The following TIPRL variants were observed in gnomAD, a reference collection of about 807,000 sequenced individuals.
TIPRL encodes the protein TIP41-like protein.
In TIPRL, 10 loss-of-function variants were observed where a neutral mutation model predicts 32.3. That is an observed-to-expected ratio of 0.31 (90% CI 0.19 to 0.52). The LOEUF (loss-of-function observed/expected upper bound fraction) is 0.52, where lower values mean the gene tolerates loss of function less well. TIPRL is among the 20% of genes least tolerant of loss of function. TIPRL has a pLI of 0.96. For synonymous variants in TIPRL, 100 were observed against 114.0 expected, an observed-to-expected ratio of 0.88 and a Z score of 0.78; for missense variants, 250 against 328.1, an observed-to-expected ratio of 0.76 and a Z score of 1.84.
rs1700209118 is a variant in TIPRL at position 168,201,720 on chromosome 1, A to C, written c.*1674A>C. On this transcript the variant is annotated 3_prime_UTR_variant, in exon 7 of 7. Transcript: ENST00000367833. The stretch of plus-strand genomic sequence containing the variant: ...AGGCTCTATTCATGCAAACTATATG[A>C]AATGAAAAACTTTTAAGACTCTTCA... The C allele has an allele frequency of 6.6e-6, 1 of 151,830 alleles. No homozygotes were observed. The highest frequency in any genetic ancestry group is 1.9e-4 in the East Asian group (1 of 5,170). 9.4% of individuals were successfully genotyped at this position (151,830 alleles called of 1,614,324 possible).
chr1:168,197,696 G>A (rs2102313740), intron 5 of TIPRL, among the ~76,000 whole-genome samples: 1 of 151,926 alleles, frequency 6.6e-6, no homozygotes, highest in South Asian at 2.1e-4. Flanking sequence ...TTTTGTTGTT[G>A]TTGTTTTTAA....
chr1:168,183,377 A>ATTTTTTTTTT (rs55731463), intron 1 of TIPRL, among the ~76,000 whole-genome samples: 13 of 129,722 alleles, frequency 1.0e-4, no homozygotes, highest in East Asian at 2.2e-4. Context: ...AATTCCTGTG[A>ATTTTTTTTTT]TTTTTTTTTT....
At chr1:168,192,647 C>T (rs1335212252) in intron 4 of TIPRL, among the ~76,000 whole-genome samples, 1 of 152,164 alleles carries the variant, frequency 6.6e-6, no homozygotes, top group African/African-American at 2.4e-5. Flanking sequence ...GCCTGTAATC[C>T]CAGCACTTTG....
intron 4 of TIPRL, among the ~76,000 whole-genome samples, chr1:168,195,235 A>G (rs1044527182): frequency 6.6e-6 from 1 of 152,204 alleles, no homozygotes; most frequent in African/African-American, 2.4e-5. Context: ...CCCTGAATAT[A>G]TGTTATTATT....
chr1:168,199,070 G>A lies in TIPRL; in HGVS notation c.675+89G>A, dbSNP rs983313711. ...TATACCCCTGACCCCAACCACCCAAGTTTACATCCCTAAACCCATTCATTC... is the reference window on the plus strand; with the variant it reads ...TATACCCCTGACCCCAACCACCCAAATTTACATCCCTAAACCCATTCATTC... On this transcript the variant is annotated intron_variant, in intron 6 of 6. Transcript: ENST00000367833. The A allele has an allele frequency of 3.2e-5, 31 of 959,784 alleles. No homozygotes were observed. The African/African-American group carries it at 4.6e-4, about 14-fold the overall frequency. 59.5% of individuals were successfully genotyped at this position (959,784 alleles called of 1,614,324 possible).
intron 6 of TIPRL, 34 bp from the exon 7 acceptor site, chr1:168,199,869 C>T (rs1338365457): frequency 9.5e-6 from 15 of 1,580,370 alleles, no homozygotes; most frequent in Middle Eastern, 1.7e-4. Flanking sequence ...AGTACAGTAA[C>T]TGAATATGCT....
rs35234155 is a variant in TIPRL, at chr1:168,196,529, CTT to C, written c.517-6_517-5del. ...AATTTTTATTAAAATATTAATGTAC[CTT>C]TTTTTTTTTTTCCAGAGAGTAATGC... is the stretch of plus-strand genomic sequence containing the variant. On this transcript the variant is annotated splice_polypyrimidine_tract_variant and intron_variant, in intron 4 of 6. Transcript: ENST00000367833. The C allele has an allele frequency of 0.015, 18,936 of 1,227,826 alleles. 135 individuals carry two copies. The highest frequency in any genetic ancestry group is 0.097 in the African/African-American group (5,779 of 59,630). The allele number at this position is 1,227,826 out of a possible 1,614,324, so 76.1% of individuals were successfully genotyped here.
intron 3 of TIPRL, 110 bp from the exon 4 acceptor site, chr1:168,191,259 C>G: frequency 1.1e-6 from 1 of 942,822 alleles, no homozygotes. Context: ...TGTGCTCTGG[C>G]TATGTAGAAA....
At chr1:168,197,064 G>A (rs997295319) in intron 5 of TIPRL, among the ~76,000 whole-genome samples, 11 of 152,182 alleles carry the variant, frequency 7.2e-5, no homozygotes, top group Admixed American at 3.9e-4. Context: ...CTGTAATCCC[G>A]GCACTTTGGG....
intron 3 of TIPRL, among the ~76,000 whole-genome samples, chr1:168,187,642 TG>T (rs767752032): frequency 1.9e-4 from 29 of 152,190 alleles, no homozygotes; most frequent in Non-Finnish European, 3.8e-4. Context: ...TCAGTCACTT[TG>T]TTAAACTAGG....
chr1:168,179,862 G>A (rs991644555), intron 1 of TIPRL, among the ~76,000 whole-genome samples: 15 of 151,976 alleles, frequency 9.9e-5, no homozygotes, highest in Non-Finnish European at 2.2e-4. Context: ...AGGGGAATCA[G>A]GGGACGCATG....
At position 168,200,066 on chromosome 1, in the gene TIPRL, T is replaced by G. The variant is rs760639270; in HGVS notation, c.*20T>G. ...GAATAAAATGTGATACAACATATAC[T>G]CACTATGGAATCTGACTGGACACCT... On this transcript the variant is annotated 3_prime_UTR_variant, in exon 7 of 7. Transcript: ENST00000367833. 1.9e-6 allele frequency: 3 copies of G among 1,608,484 alleles called. No homozygotes were observed. In the Admixed American group the frequency reaches 5.1e-5, roughly 27 times the overall value.
chr1:168,191,769 G>A (rs1700099482), intron 4 of TIPRL, among the ~76,000 whole-genome samples: 1 of 151,348 alleles, frequency 6.6e-6, no homozygotes, highest in African/African-American at 2.4e-5. Flanking sequence ...CTACTCGGGA[G>A]GCTGAGGCAG....
chr1:168,191,106 A>G (rs963440524), intron 3 of TIPRL, among the ~76,000 whole-genome samples: 1 of 152,196 alleles, frequency 6.6e-6, no homozygotes, highest in African/African-American at 2.4e-5. Flanking sequence ...GTTGATTTTA[A>G]TATGACTTGC....
intron 4 of TIPRL, 115 bp downstream of exon 4, chr1:168,191,615 T>A: frequency 2.4e-6 from 2 of 836,858 alleles, no homozygotes; most frequent in Non-Finnish European, 3.3e-6. Flanking sequence ...CTCACGCCTG[T>A]AATCCCAGCA....
At chr1:168,189,262 T>C (rs548680584) in intron 3 of TIPRL, among the ~76,000 whole-genome samples, 1 of 152,314 alleles carries the variant, frequency 6.6e-6, no homozygotes, top group South Asian at 2.1e-4. Flanking sequence ...TTTAGGAAGT[T>C]TTTGGGTTTT....
In TIPRL at chr1:168,184,895, T is replaced by A; in HGVS notation, c.384+17T>A. On this transcript the variant is annotated intron_variant, in intron 3 of 6. Transcript: ENST00000367833. ...AAGTTAAAGGTAAATCTTACTTTTTTCTTTCATGAGTCATTGATTGTCTTG... is the reference window on the plus strand; with the variant it reads ...AAGTTAAAGGTAAATCTTACTTTTTACTTTCATGAGTCATTGATTGTCTTG... 3.3e-6 allele frequency: 5 copies of A among 1,506,052 alleles called. No individual in the cohort carries two copies. The highest frequency in any genetic ancestry group is 4.6e-6 in the Non-Finnish European group (5 of 1,086,834). 93.3% of individuals were successfully genotyped at this position (1,506,052 alleles called of 1,614,324 possible). A position where few individuals can be genotyped will look rare whatever the true frequency, so the allele number is the denominator to read the frequency against.
chr1:168,184,976 A>G, intron 3 of TIPRL, 98 bp downstream of exon 3: 1 of 715,016 alleles, frequency 1.4e-6, no homozygotes, highest in Non-Finnish European at 2.3e-6. Flanking sequence ...AACTATTTTT[A>G]TCGTCCTTGT....
intron 4 of TIPRL, chr1:168,192,222 C>T (rs972092650): frequency 2.4e-5 from 36 of 1,478,710 alleles, no homozygotes; most frequent in Admixed American, 1.6e-4. Flanking sequence ...GTGGCGGGCA[C>T]CTGTAGTCCC....
Sources: allele counts gnomAD v4.1 joint callset (sites outside exome capture counted in the v4.1 genomes callset), GRCh38; gene constraint gnomAD v4.1.1; transcripts MANE v1.5; gene names NCBI Gene and HGNC (gene_info 2026-07-23, HGNC 2026-07-21).